Variants in SEC16B observed in about 807,000 individuals in gnomAD.
The protein encoded by SEC16B is SEC16 homolog B, endoplasmic reticulum export factor, also known as protein transport protein Sec16B.
SEC16B carries 115 observed loss-of-function variants against 141.8 expected under a neutral mutation model. That is an observed-to-expected ratio of 0.81 (90% CI 0.70 to 0.95). The LOEUF (loss-of-function observed/expected upper bound fraction) is 0.95. Ranked by LOEUF, SEC16B falls within the 40% of genes least tolerant of loss-of-function variation. The pLI is 0.00. For synonymous variants in SEC16B, 493 were observed against 492.5 expected (o/e 1.00, Z -0.01); for missense variants, 1,291 against 1,312.3 (o/e 0.98, Z 0.25).
chr1:177,959,063 C>T, intron 8 of SEC16B, 88 bp from the exon 9 acceptor site: 4 of 1,378,634 alleles, frequency 2.9e-6, no homozygotes, highest in Non-Finnish European at 4.0e-6. Flanking sequence ...TGTGCAAGTG[C>T]TGGCTGGGCT....
chr1:177,947,993 TG>T lies in SEC16B; in HGVS notation c.1546-52del. On this transcript the variant is annotated intron_variant, in intron 12 of 25. Coordinates refer to ENST00000308284, the MANE Select transcript of SEC16B (RefSeq NM_033127.4). ...GTACAATCATTTAAGAATGGCCAGA[TG>T]TACATAAAGAAGGCTGTTGTCTATT... 2.9e-6 allele frequency: 4 copies of T among 1,360,802 alleles called. No individual in the cohort carries two copies. In the South Asian group the frequency reaches 5.0e-5, roughly 17 times the overall value. The allele number at this position is 1,360,802 out of a possible 1,614,324, so 84.3% of individuals were successfully genotyped here.
chr1:177,960,236 A>ATTTTTTTTT, intron 8 of SEC16B, 106 bp downstream of exon 8: 1 of 774,770 alleles, frequency 1.3e-6, no homozygotes, highest in Non-Finnish European at 2.2e-6. Context: ...AAGGACAGAT[A>ATTTTTTTTT]TTTTTTTCCA....
Position 177,958,131 on chromosome 1 carries a change from C to T in SEC16B, c.1365+1G>A. ...TAAGTATGGGGGAAGGGCATACTTG[C>T]CTTCTTCCTTCCATAGTAGAGCAGC... On this transcript the variant is annotated splice_donor_variant, in intron 10 of 25. Coordinates refer to ENST00000308284, the MANE Select transcript of SEC16B (RefSeq NM_033127.4). LOFTEE classifies it high-confidence loss of function. 6.7e-7 allele frequency: 1 copy of T among 1,491,292 alleles called. No individual in the cohort carries two copies. Among genetic ancestry groups the T allele is most frequent in the Non-Finnish European group, 9.0e-7 (1 of 1,115,216 alleles). The allele number at this position is 1,491,292 out of a possible 1,614,324, so 92.4% of individuals were successfully genotyped here.
At chr1:177,953,193 A>G (rs1253192620) in intron 11 of SEC16B, among the ~76,000 whole-genome samples, 4 of 151,936 alleles carry the variant, frequency 2.6e-5, no homozygotes, top group African/African-American at 9.7e-5. Context: ...TTTAGTAGAG[A>G]CGGGGTTTCA....
At chr1:177,979,801 G>A (rs1654329109) in intron 1 of SEC16B, among the ~76,000 whole-genome samples, 1 of 152,198 alleles carries the variant, frequency 6.6e-6, no homozygotes, top group South Asian at 2.1e-4. Flanking sequence ...ATGGCAGCAG[G>A]CAAAGAGAGA....
At chr1:177,965,862 T>C (rs1571349199) in intron 3 of SEC16B, 31 bp downstream of exon 3, 1 of 1,418,820 alleles carries the variant, frequency 7.0e-7, no homozygotes, top group African/African-American at 1.4e-5. Flanking sequence ...CATCCCCAAA[T>C]CCCAGAGGCT....
At chr1:177,936,516 A>G in intron 19 of SEC16B, 151 bp from the exon 20 acceptor site, 1 of 684,580 alleles carries the variant, frequency 1.5e-6, no homozygotes. Flanking sequence ...AATACAAAGA[A>G]TGCTCACGTA....
chr1:177,961,800 T>C, intron 5 of SEC16B, 66 bp from the exon 6 acceptor site: 1 of 1,448,194 alleles, frequency 6.9e-7, no homozygotes, highest in South Asian at 1.2e-5. Context: ...AAGCGTTCCT[T>C]CAAAGAAACA....
upstream of SEC16B, among the ~76,000 whole-genome samples, chr1:177,973,746 G>C (rs1654055553): frequency 6.6e-6 from 1 of 152,102 alleles, no homozygotes; most frequent in Non-Finnish European, 1.5e-5. Context: ...CCCCAAAGAA[G>C]CTCTCAATTC....
Position 177,929,832 on chromosome 1 carries a change from G to C in SEC16B, c.*26C>G. ...GAGCAAGAAAGTTTCAGTCCTGGGAGATGAGCCTGGGACGTGTGTTTATTC... is the reference window on the plus strand; with the variant it reads ...GAGCAAGAAAGTTTCAGTCCTGGGACATGAGCCTGGGACGTGTGTTTATTC... On this transcript the variant is annotated 3_prime_UTR_variant, in exon 26 of 26. Transcript: ENST00000308284. 6.2e-7 allele frequency: 1 copy of C among 1,612,262 alleles called. No homozygotes were observed. Among genetic ancestry groups the C allele is most frequent in the Non-Finnish European group, 8.5e-7 (1 of 1,178,684 alleles).
intron 12 of SEC16B, chr1:177,948,369 C>G: frequency 7.7e-7 from 1 of 1,304,874 alleles, no homozygotes; most frequent in Non-Finnish European, 1.0e-6. Context: ...CGGGGGAACA[C>G]GGGCCTGCTT....
chr1:177,933,786 T>C lies in SEC16B; in HGVS notation c.2572-150A>G, dbSNP rs527339244. 697 of 810,652 alleles carry C rather than the reference T, an allele frequency of 8.6e-4. 9 individuals carry two copies. The highest frequency in any genetic ancestry group is 7.2e-3 in the South Asian group (399 of 55,650). The allele number at this position is 810,652 out of a possible 1,614,324, so 50.2% of individuals were successfully genotyped here. ...CTGAAGAGGAAGGAAGGCTCAGCCA[T>C]GAAAAATGACTCACTGAAGGTCGCA... On this transcript the variant is annotated intron_variant, in intron 20 of 25. Coordinates refer to ENST00000308284, the MANE Select transcript of SEC16B (RefSeq NM_033127.4).
At chr1:177,970,594 A>G (rs1339499210), upstream of SEC16B, among the ~76,000 whole-genome samples, 2 of 152,014 alleles carry the variant, frequency 1.3e-5, no homozygotes, top group East Asian at 3.9e-4. Context: ...TCTTATGTAT[A>G]TTTCTCACCA....
rs1219409757 is a variant in SEC16B, at chr1:177,958,230, T to C, written c.1267A>G (p.Thr423Ala). The change falls in exon 10 of 26, where the codon ACC becomes GCC. Residue 423 changes from threonine (T) to alanine (A), a missense_variant. Physicochemically the swap from Thr to Ala is moderately conservative, Grantham distance 58. Around this residue, in one of 3 missense-constraint regions of SEC16B, gnomAD observed 681 missense variants for 675.5 expected, o/e 1.01. Coordinates refer to ENST00000308284, the MANE Select transcript of SEC16B (RefSeq NM_033127.4). ...DEDWPVLSSG[T>A]PNLLTGEIPP... Reference sequence around the variant, plus strand: ...ATCTCTCCCGTGAGCAGGTTCGGGGTCCCAGAGCTCAGCACTGGCCAGTCC... The same window carrying C: ...ATCTCTCCCGTGAGCAGGTTCGGGGCCCCAGAGCTCAGCACTGGCCAGTCC... The C allele has an allele frequency of 6.2e-7, 1 of 1,605,276 alleles. No homozygotes were observed. The highest frequency in any genetic ancestry group is 8.5e-7 in the Non-Finnish European group (1 of 1,175,772).
chr1:177,938,376 A>G (rs4652278), intron 18 of SEC16B, among the ~76,000 whole-genome samples: 26,414 of 152,208 alleles, frequency 0.17, 2,725 homozygotes, highest in East Asian at 0.52. Flanking sequence ...AACATGGGTC[A>G]TGTGTTACAC....
At chr1:177,979,121 A>G (rs1435857719) in intron 1 of SEC16B, among the ~76,000 whole-genome samples, 1 of 152,230 alleles carries the variant, frequency 6.6e-6, no homozygotes, top group Non-Finnish European at 1.5e-5. Context: ...TCGGAAGAGC[A>G]TATGGCTTAG....
intron 10 of SEC16B, among the ~76,000 whole-genome samples, 198 bp downstream of exon 10, chr1:177,957,934 G>A (rs557319571): frequency 1.4e-3 from 218 of 151,772 alleles, no homozygotes; most frequent in African/African-American, 4.4e-3. Context: ...TCTGTACCTG[G>A]CTTATTTCAT....
At chr1:177,959,101 A>G (rs1557984965) in intron 8 of SEC16B, 126 bp from the exon 9 acceptor site, 1 of 985,002 alleles carries the variant, frequency 1.0e-6, no homozygotes. Context: ...CTGACAAGCC[A>G]GGGCTAAGGT....
At chr1:177,966,631 T>C (rs1282551420) in intron 2 of SEC16B, among the ~76,000 whole-genome samples, 1 of 152,176 alleles carries the variant, frequency 6.6e-6, no homozygotes, top group East Asian at 1.9e-4. Flanking sequence ...AGTGGCGTGA[T>C]CTTGGCTCAC....
Sources: gnomAD v4.1 joint callset for allele counts (sites outside exome capture counted in the v4.1 genomes callset) on GRCh38, gnomAD v4.1.1 for gene constraint, gnomAD v4.1.1 regional missense constraint, MANE v1.5 for transcripts, NCBI Gene and HGNC (gene_info 2026-07-23, HGNC 2026-07-21) for gene names.